RTTN: variants seen among roughly 807,000 people sequenced by gnomAD.
The protein encoded by RTTN is rotatin.
Under a neutral mutation model 269.2 loss-of-function variants are expected in RTTN, and 182 were observed. The observed-to-expected ratio is 0.68, with a 90% CI of 0.60 to 0.76. RTTN has a LOEUF of 0.76. Among genes scored for constraint, RTTN ranks in the 30% least tolerant of loss-of-function variants. The pLI is 0.00. For missense variants in RTTN, 2,545 were observed against 2,608.6 expected (o/e 0.98, Z 0.53); for synonymous variants, 1,006 against 963.5 (o/e 1.04, Z -0.82).
chr18:70,148,240 C>T (rs12965750), intron 17 of RTTN, among the ~76,000 whole-genome samples: 123,718 of 152,076 alleles, frequency 0.81, 53,511 homozygotes, highest in East Asian at 1. Context: ...TTATCCATCT[C>T]GACTCAGCAT....
chr18:70,089,059 G>A (rs898316454), intron 30 of RTTN, among the ~76,000 whole-genome samples: 1 of 151,912 alleles, frequency 6.6e-6, no homozygotes, highest in African/African-American at 2.4e-5. Context: ...CTCTTCTGAA[G>A]GTAATAGATA....
At chr18:70,183,025 T>C (rs367856940) in intron 10 of RTTN, among the ~76,000 whole-genome samples, 2 of 152,186 alleles carry the variant, frequency 1.3e-5, no homozygotes, top group East Asian at 3.8e-4. Context: ...TTAAAAACTT[T>C]ACGTAAAACT....
chr18:70,003,629 T>A lies in RTTN; in HGVS notation c.*522A>T, dbSNP rs144931130. ...CTACATAGCCCTTTTCCAGTGTGGA[T>A]GCTCTGGATAACAGAAAGTTTTGAA... is the stretch of plus-strand genomic sequence containing the variant. On this transcript the variant is annotated 3_prime_UTR_variant, in exon 49 of 49. Transcript: ENST00000640769. 6.6e-6 allele frequency: 1 copy of A among 152,262 alleles called. No individual in the cohort carries two copies. Among genetic ancestry groups the A allele is most frequent in the East Asian group, 1.9e-4 (1 of 5,182 alleles). The allele number at this position is 152,262 out of a possible 1,614,324, so 9.4% of individuals were successfully genotyped here.
Position 70,127,652 on chromosome 18 carries a change from G to C in RTTN, c.3233C>G (p.Ser1078Cys). The C allele has an allele frequency of 6.2e-7, 1 of 1,613,488 alleles. No homozygotes were observed. Among genetic ancestry groups the C allele is most frequent in the Non-Finnish European group, 8.5e-7 (1 of 1,179,724 alleles). The change falls in exon 25 of 49, where the codon TCC (serine) becomes TGC (cysteine). Residue 1078 changes from serine (S) to cysteine (C), a missense_variant. Ser to Cys is a moderately radical substitution (Grantham distance 112). Coordinates refer to ENST00000640769, the MANE Select transcript of RTTN (RefSeq NM_173630.4). ...CCTGTGGGTTGCAGCCTGAACAATG[G>C]AATGGAGGCAGTCCTGCAGCCCACT... ...MASGLQDCLHSIVQAATHREV... is the reference protein window; with the variant it reads ...MASGLQDCLHCIVQAATHREV...
intron 32 of RTTN, among the ~76,000 whole-genome samples, chr18:70,081,318 T>TG (rs1171725169): frequency 2.6e-5 from 4 of 151,668 alleles, no homozygotes; most frequent in African/African-American, 9.7e-5. Context: ...CAATAACCTA[T>TG]GGGGGAAAAA....
At chr18:70,021,534 T>A (rs1354438519) in intron 44 of RTTN, among the ~76,000 whole-genome samples, 3 of 152,102 alleles carry the variant, frequency 2.0e-5, no homozygotes. Flanking sequence ...ATACATTCTG[T>A]AAAAGAAACT....
In RTTN at chr18:70,127,715, G is replaced by A. The variant is rs891535103; in HGVS notation, c.3170C>T (p.Thr1057Ile). 2.5e-6 allele frequency: 4 copies of A among 1,611,922 alleles called. No homozygotes were observed. The highest frequency in any genetic ancestry group is 3.4e-6 in the Non-Finnish European group (4 of 1,178,700). ...QEILDALKLS[T>I]EDILTLKITH... Reference sequence around the variant, plus strand: ...TATCTTCAGAGTGAGGATGTCCTCTGTAGATAACTTCAATGCATCTAAAAT... The same window carrying A: ...TATCTTCAGAGTGAGGATGTCCTCTATAGATAACTTCAATGCATCTAAAAT... The change falls in exon 25 of 49, where the codon ACA becomes ATA. Residue 1057 changes from threonine to isoleucine, a missense_variant. By Grantham distance (89) the Thr-to-Ile change is moderately conservative. Transcript: ENST00000640769.
rs143868506 is a variant in RTTN at position 70,050,793 on chromosome 18, G to A, written c.5323+618C>T. Among the ~76,000 whole-genome samples, 53 of 152,302 alleles carry A rather than the reference G, an allele frequency of 3.5e-4. No homozygotes were observed. The South Asian group carries it at 8.5e-3, about 24-fold the overall frequency. On this transcript the variant is annotated intron_variant, in intron 39 of 48. Coordinates refer to ENST00000640769, the MANE Select transcript of RTTN (RefSeq NM_173630.4). The stretch of plus-strand genomic sequence containing the variant: ...TTCAGGTACACGGATGAAGCTGGAA[G>A]CCATCATTCTCAGCAAACTAACACA...
chr18:70,029,238 G>T (rs2056943378), intron 42 of RTTN, among the ~76,000 whole-genome samples: 1 of 151,050 alleles, frequency 6.6e-6, no homozygotes, highest in Non-Finnish European at 1.5e-5. Flanking sequence ...ATAAGACTTT[G>T]TCTTGGTTTC....
intron 22 of RTTN, 62 bp downstream of exon 22, chr18:70,135,122 T>C (rs2060092962): frequency 1.1e-6 from 1 of 932,350 alleles, no homozygotes; most frequent in South Asian, 1.5e-5. Flanking sequence ...TGCTATAAGA[T>C]TACATCAGAT....
intron 10 of RTTN, among the ~76,000 whole-genome samples, chr18:70,178,639 A>G (rs1243628570): frequency 2.0e-5 from 3 of 152,102 alleles, no homozygotes; most frequent in Non-Finnish European, 4.4e-5. Flanking sequence ...ATTGAAGTAA[A>G]AAACAAAAAT....
At chr18:70,131,302 G>A (rs2059993039) in intron 23 of RTTN, 1 of 150,976 alleles carries the variant, frequency 6.6e-6, no homozygotes, top group South Asian at 2.1e-4. Context: ...AAATCTAAAT[G>A]ACTATTTACT....
At chr18:70,051,190 C>G (rs2057655696) in intron 39 of RTTN, among the ~76,000 whole-genome samples, 1 of 152,206 alleles carries the variant, frequency 6.6e-6, no homozygotes. Flanking sequence ...GCTTTCCTAA[C>G]TCGCTTTTAT....
chr18:70,028,695 T>G (rs1478284905), intron 43 of RTTN, 29 bp downstream of exon 43: 1 of 1,426,016 alleles, frequency 7.0e-7, no homozygotes, highest in Non-Finnish European at 9.8e-7. Context: ...AGTACTCCTA[T>G]TAAAATTTTG....
At chr18:70,008,347 TC>T (rs1473770223) in intron 46 of RTTN, 1 of 152,086 alleles carries the variant, frequency 6.6e-6, no homozygotes, top group Non-Finnish European at 1.5e-5. Flanking sequence ...ATAACTCTTC[TC>T]TTCCAAAGGA....
intron 46 of RTTN, among the ~76,000 whole-genome samples, chr18:70,009,428 G>T (rs767900245): frequency 6.6e-6 from 1 of 152,062 alleles, no homozygotes; most frequent in East Asian, 1.9e-4. Flanking sequence ...GAGCCACTGC[G>T]TATGGCCCAA....
intron 37 of RTTN, among the ~76,000 whole-genome samples, chr18:70,054,650 C>T (rs141493167): frequency 2.0e-5 from 3 of 152,062 alleles, no homozygotes; most frequent in East Asian, 1.9e-4. Context: ...CTGGGCAATA[C>T]GGTGAGATCC....
chr18:70,068,152 G>A (rs983733509), intron 34 of RTTN, among the ~76,000 whole-genome samples: 1 of 152,110 alleles, frequency 6.6e-6, no homozygotes, highest in Non-Finnish European at 1.5e-5. Context: ...TCAAATCTTT[G>A]CTTGTTTAGA....
At position 70,003,302 on chromosome 18, in the gene RTTN, G is replaced by C. The variant is rs2056090242; in HGVS notation, c.*849C>G. The C allele has an allele frequency of 6.6e-6, 1 of 152,076 alleles. No homozygotes were observed. The highest frequency in any genetic ancestry group is 6.6e-5 in the Admixed American group (1 of 15,264). 9.4% of individuals were successfully genotyped at this position (152,076 alleles called of 1,614,324 possible). A position where few individuals can be genotyped will look rare whatever the true frequency, so the allele number is the denominator to read the frequency against. On this transcript the variant is annotated 3_prime_UTR_variant, in exon 49 of 49. Coordinates refer to ENST00000640769, the MANE Select transcript of RTTN (RefSeq NM_173630.4). ...GATCCACCTACCTCGGTCTCCCAAA[G>C]AGCTGAAAGTATAAGCATGAGCCAC...
Sources: gnomAD v4.1 joint callset for allele counts (sites outside exome capture counted in the v4.1 genomes callset) on GRCh38, gnomAD v4.1.1 for gene constraint, MANE v1.5 for transcripts, NCBI Gene and HGNC (gene_info 2026-07-23, HGNC 2026-07-21) for gene names.